Variants in LRP1B observed in about 807,000 individuals in gnomAD.
The protein encoded by LRP1B is low-density lipoprotein receptor-related protein 1B.
In LRP1B, 217 loss-of-function variants were observed where a neutral mutation model predicts 556.6. The ratio of observed to expected loss-of-function variants is 0.39; its 90% confidence interval spans 0.35 to 0.44. LRP1B has a LOEUF of 0.44. LRP1B is among the 20% of genes least tolerant of loss of function. The pLI is 1.00. For synonymous variants in LRP1B, 2,047 were observed against 1,865.8 expected (o/e 1.10, Z -2.50); for missense variants, 5,053 against 5,620.8 (o/e 0.90, Z 3.23).
chr2:141,596,959 A>T (rs1419833960), intron 2 of LRP1B, among the ~76,000 whole-genome samples: 1 of 151,952 alleles, frequency 6.6e-6, no homozygotes, highest in Non-Finnish European at 1.5e-5. Context: ...CTACCTATGT[A>T]TATATTCAAA....
intron 1 of LRP1B, among the ~76,000 whole-genome samples, chr2:141,860,946 T>G (rs950328121): frequency 6.6e-6 from 1 of 152,222 alleles, no homozygotes; most frequent in African/African-American, 2.4e-5. Flanking sequence ...TCTTTGCTTT[T>G]CTTTTCCACA....
intron 2 of LRP1B, among the ~76,000 whole-genome samples, chr2:141,604,474 G>A (rs537185780): frequency 2.0e-5 from 3 of 152,150 alleles, no homozygotes; most frequent in South Asian, 4.2e-4. Flanking sequence ...CAACCTCCAA[G>A]CCAAAGACAG....
At chr2:141,557,967 C>G (rs1686021814) in intron 2 of LRP1B, among the ~76,000 whole-genome samples, 1 of 151,840 alleles carries the variant, frequency 6.6e-6, no homozygotes, top group Admixed American at 6.6e-5. Flanking sequence ...AATACACTTG[C>G]TCTAAAAAAT....
At chr2:141,040,255 A>G (rs556869021) in intron 11 of LRP1B, among the ~76,000 whole-genome samples, 11 of 152,264 alleles carry the variant, frequency 7.2e-5, no homozygotes, top group Admixed American at 2.0e-4. Context: ...CTGAAATCCA[A>G]TAATGAAGAG....
At chr2:141,149,939 T>C (rs1248404242) in intron 7 of LRP1B, among the ~76,000 whole-genome samples, 2 of 152,174 alleles carry the variant, frequency 1.3e-5, no homozygotes, top group African/African-American at 2.4e-5. Context: ...CTGAAATAAA[T>C]TGGTAGACTA....
chr2:141,774,546 A>G (rs1694999078), intron 2 of LRP1B, among the ~76,000 whole-genome samples: 1 of 152,208 alleles, frequency 6.6e-6, no homozygotes, highest in African/African-American at 2.4e-5. Flanking sequence ...GAATTACATT[A>G]CAACATGAGA....
At chr2:140,420,980 GCA>G (rs1198039380) in intron 66 of LRP1B, among the ~76,000 whole-genome samples, 1 of 79,290 alleles carries the variant, frequency 1.3e-5, no homozygotes, top group Non-Finnish European at 2.9e-5. Flanking sequence ...CCTGGGCTGG[GCA>G]CAGTGTCTCA....
intron 7 of LRP1B, among the ~76,000 whole-genome samples, chr2:141,102,797 GGTTACA>G (rs1374617292): frequency 6.6e-6 from 1 of 151,930 alleles, no homozygotes; most frequent in Non-Finnish European, 1.5e-5. Context: ...CCATTTAAAT[GGTTACA>G]GTTACCCAGT....
At chr2:141,878,382 A>G (rs1698839894) in intron 1 of LRP1B, among the ~76,000 whole-genome samples, 1 of 151,960 alleles carries the variant, frequency 6.6e-6, no homozygotes, top group East Asian at 1.9e-4. Context: ...CAACAACAAA[A>G]AAAACAAAAC....
chr2:141,036,436 C>G (rs1003219246), intron 11 of LRP1B, among the ~76,000 whole-genome samples: 1 of 151,990 alleles, frequency 6.6e-6, no homozygotes, highest in Non-Finnish European at 1.5e-5. Context: ...TGACTCTTCT[C>G]TGATACAAAG....
chr2:142,037,222 G>A (rs1288340193), intron 1 of LRP1B, among the ~76,000 whole-genome samples: 1 of 151,604 alleles, frequency 6.6e-6, no homozygotes, highest in African/African-American at 2.4e-5. Context: ...CTTCCATGCT[G>A]CATTCTCTCT....
At chr2:140,415,516 CCT>C (rs1685154938) in intron 66 of LRP1B, among the ~76,000 whole-genome samples, 1 of 152,114 alleles carries the variant, frequency 6.6e-6, no homozygotes, top group Non-Finnish European at 1.5e-5. Context: ...CTGTAAAATG[CCT>C]CTCTTTGTAC....
At chr2:141,119,863 T>A (rs1180115884) in intron 7 of LRP1B, among the ~76,000 whole-genome samples, 2 of 151,618 alleles carry the variant, frequency 1.3e-5, no homozygotes, top group African/African-American at 4.8e-5. Flanking sequence ...CTAAGAAGGG[T>A]CTTTCATGTG....
intron 53 of LRP1B, among the ~76,000 whole-genome samples, chr2:140,504,517 C>T (rs1174952842): frequency 2.0e-5 from 3 of 152,088 alleles, no homozygotes; most frequent in Admixed American, 6.6e-5. Flanking sequence ...TACTTATCCT[C>T]GTTGTTCTTC....
At chr2:140,978,505 G>A (rs2105338674) in intron 18 of LRP1B, among the ~76,000 whole-genome samples, 1 of 152,152 alleles carries the variant, frequency 6.6e-6, no homozygotes, top group Non-Finnish European at 1.5e-5. Flanking sequence ...GCAAAATATG[G>A]CCAGTATGAA....
intron 32 of LRP1B, among the ~76,000 whole-genome samples, chr2:140,806,050 C>G (rs1690703240): frequency 7.1e-6 from 1 of 139,938 alleles, no homozygotes; most frequent in African/African-American, 2.5e-5. Context: ...ATAAAAGGAT[C>G]CCCAGAGAGC....
intron 2 of LRP1B, among the ~76,000 whole-genome samples, chr2:141,591,922 T>A (rs1687354441): frequency 6.6e-6 from 1 of 152,106 alleles, no homozygotes; most frequent in Admixed American, 6.6e-5. Flanking sequence ...GTCCAAAATC[T>A]TCTCGTGGCC....
chr2:140,693,145 T>G (rs1047927811), intron 41 of LRP1B, among the ~76,000 whole-genome samples: 24 of 152,356 alleles, frequency 1.6e-4, no homozygotes, highest in Admixed American at 2.6e-4. Flanking sequence ...TTTTTATTGG[T>G]AATATCATAT....
At chr2:140,587,050 C>A (rs140489423) in intron 43 of LRP1B, among the ~76,000 whole-genome samples, 1 of 151,636 alleles carries the variant, frequency 6.6e-6, no homozygotes, top group South Asian at 2.1e-4. Flanking sequence ...TAGAACTGAA[C>A]GTAAAATAAC....
Sources: gnomAD v4.1 joint callset for allele counts (sites outside exome capture counted in the v4.1 genomes callset) on GRCh38, gnomAD v4.1.1 for gene constraint, MANE v1.5 for transcripts, NCBI Gene and HGNC (gene_info 2026-07-23, HGNC 2026-07-21) for gene names.